TTC16: variants seen among roughly 807,000 people sequenced by gnomAD.
TTC16 encodes the protein tetratricopeptide repeat protein 16.
Under a neutral mutation model 80.4 loss-of-function variants are expected in TTC16, and 66 were observed. The observed-to-expected ratio is 0.82, with a 90% CI of 0.67 to 1.01. The LOEUF is 1.01. TTC16 is among the 50% of genes least tolerant of loss of function. The pLI, the probability that TTC16 is intolerant of heterozygous loss-of-function variation, is 0.00. For synonymous variants in TTC16, 438 were observed against 451.3 expected, an observed-to-expected ratio of 0.97 and a Z score of 0.37; for missense variants, 1,070 against 1,103.2, an observed-to-expected ratio of 0.97 and a Z score of 0.43.
At position 127,726,420 on chromosome 9, in the gene TTC16, G is replaced by A. The variant is rs186526888; in HGVS notation, c.1425+16G>A. 13 of 1,576,054 alleles carry A rather than the reference G, an allele frequency of 8.2e-6. No homozygotes were observed. Among genetic ancestry groups the A allele is most frequent in the Admixed American group, 5.3e-5 (3 of 56,714 alleles). On this transcript the variant is annotated intron_variant, in intron 10 of 13. Transcript: ENST00000373289. ...GCAACCAAAGGTAGGTTCCTGCCAC[G>A]TCAGGAGTGTAGGCTCCGGAGTCAT...
chr9:127,718,898 T>C lies in TTC16; in HGVS notation c.426+1126T>C, dbSNP rs551276885. 6.6e-6 allele frequency among the ~76,000 whole-genome samples: 1 copy of C among 151,310 alleles called. No homozygotes were observed. Among genetic ancestry groups the C allele is most frequent in the African/African-American group, 2.4e-5 (1 of 41,380 alleles). The stretch of plus-strand genomic sequence containing the variant: ...TGAGCTACTGCGCCTGGGCTTGATG[T>C]CTTTTCTTTATGTCAAAAAATATTC... On this transcript the variant is annotated intron_variant, in intron 4 of 13. Coordinates refer to ENST00000373289, the MANE Select transcript of TTC16 (RefSeq NM_144965.3). This position sits in a 1 kb window ranked among gnomAD's most constrained non-coding sequence, Gnocchi z 4.6.
chr9:127,729,475 A>G, intron 12 of TTC16, 106 bp from the exon 13 acceptor site: 4 of 903,942 alleles, frequency 4.4e-6, no homozygotes, highest in Non-Finnish European at 1.8e-6. Context: ...AAGACCTCCA[A>G]GCTCAGGAGA....
chr9:127,716,538 G>C (rs892499745), intron 1 of TTC16: 1 of 536,300 alleles, frequency 1.9e-6, no homozygotes, highest in Non-Finnish European at 3.4e-6. Context: ...ATCAAAGCTT[G>C]GGGTGTCAGT....
At position 127,724,852 on chromosome 9, in the gene TTC16, T is replaced by G. The variant is rs17852941; in HGVS notation, c.1214T>G (p.Met405Arg). Reference protein sequence around the residue: ...SPQDEGANTRMGLLQEKMGFC... With the variant: ...SPQDEGANTRRGLLQEKMGFC... ...CAGGACGAGGGCGCCAACACGCGCA[T>G]GGGCCTGCTGCAGGAGAAGATGGGC... The change falls in exon 9 of 14, where the codon ATG (methionine) becomes AGG (arginine). Residue 405 changes from methionine to arginine, a missense_variant. By Grantham distance (91) the Met-to-Arg change is moderately conservative (BLOSUM62 -1). Coordinates refer to ENST00000373289, the MANE Select transcript of TTC16 (RefSeq NM_144965.3). 3 of 1,587,308 alleles carry G rather than the reference T, an allele frequency of 1.9e-6. No individual in the cohort carries two copies. In the African/African-American group the frequency reaches 4.0e-5, roughly 21 times the overall value.
chr9:127,727,791 C>A, intron 12 of TTC16: 1 of 165,166 alleles, frequency 6.1e-6, no homozygotes, highest in Non-Finnish European at 1.1e-5. Context: ...CGGAGTCTTG[C>A]TCTGTCAACC....
Position 127,717,775 on chromosome 9 carries a change from G to A in TTC16, c.426+3G>A. 6.2e-7 allele frequency: 1 copy of A among 1,611,272 alleles called. No homozygotes were observed. The highest frequency in any genetic ancestry group is 8.5e-7 in the Non-Finnish European group (1 of 1,179,082). ...TCACCTTTGTGCTCTACCTACAGGT[G>A]CCTGGGGCCTCCCGGGCCCATGCAG... is the stretch of plus-strand genomic sequence containing the variant. On this transcript the variant is annotated splice_donor_region_variant and intron_variant, in intron 4 of 13. Coordinates refer to ENST00000373289, the MANE Select transcript of TTC16 (RefSeq NM_144965.3).
chr9:127,716,317 A>G (rs1487401553), intron 1 of TTC16, 154 bp downstream of exon 1: 1 of 1,167,286 alleles, frequency 8.6e-7, no homozygotes, highest in Non-Finnish European at 1.3e-6. Flanking sequence ...AGGCATGTGA[A>G]AGATCCTTGT....
chr9:127,716,699 G>A lies in TTC16; in HGVS notation c.19-145G>A, dbSNP rs948499676. ...GCGTCCCTAAGGGGAATGGGGCTGG[G>A]AGCGCCACCGGAACCCCGAGTGGGA... On this transcript the variant is annotated intron_variant, in intron 1 of 13. Coordinates refer to ENST00000373289, the MANE Select transcript of TTC16 (RefSeq NM_144965.3). 8.6e-6 allele frequency: 9 copies of A among 1,043,642 alleles called. No homozygotes were observed. In the Admixed American group the frequency reaches 2.5e-4, roughly 29 times the overall value. The allele number at this position is 1,043,642 out of a possible 1,614,324, so 64.6% of individuals were successfully genotyped here. A position where few individuals can be genotyped will look rare whatever the true frequency, so the allele number is the denominator to read the frequency against.
intron 10 of TTC16, 23 bp downstream of exon 10, chr9:127,726,427 G>T (rs368251304): frequency 6.4e-7 from 1 of 1,568,352 alleles, no homozygotes; most frequent in Non-Finnish European, 8.7e-7. Context: ...CACGTCAGGA[G>T]TGTAGGCTCC....
intron 12 of TTC16, chr9:127,727,885 A>C (rs1316587928): frequency 6.3e-6 from 1 of 157,702 alleles, no homozygotes; most frequent in African/African-American, 2.4e-5. Context: ...TTAGCCTCCC[A>C]GGTAGCTGGG....
Position 127,731,505 on chromosome 9 carries a change from A to C in TTC16, c.*100A>C. 1.3e-6 allele frequency: 2 copies of C among 1,502,958 alleles called. No homozygotes were observed. The highest frequency in any genetic ancestry group is 1.8e-6 in the Non-Finnish European group (2 of 1,129,688). The allele number at this position is 1,502,958 out of a possible 1,614,324, so 93.1% of individuals were successfully genotyped here. ...CAGCTGCCTCCTTCCAGAGCAATTA[A>C]AAGTCTTAGCAACAGTCCTCTGGTC... is the stretch of plus-strand genomic sequence containing the variant. On this transcript the variant is annotated 3_prime_UTR_variant, in exon 14 of 14. Coordinates refer to ENST00000373289, the MANE Select transcript of TTC16 (RefSeq NM_144965.3).
chr9:127,729,733 G>A, intron 13 of TTC16, 65 bp downstream of exon 13: 1 of 1,495,924 alleles, frequency 6.7e-7, no homozygotes, highest in South Asian at 1.1e-5. Flanking sequence ...AAAGCTCAGG[G>A]GTCGAAGACC....
At chr9:127,716,807 C>T (rs756640860) in intron 1 of TTC16, 37 bp from the exon 2 acceptor site, 3 of 1,582,406 alleles carry the variant, frequency 1.9e-6, no homozygotes, top group African/African-American at 2.7e-5. Flanking sequence ...GGGGTCGTCT[C>T]GGGGGCCTGC....
chr9:127,727,663 GTGTGGGGA>G (rs1365229507), intron 12 of TTC16, 198 bp downstream of exon 12: 31 of 1,144,852 alleles, frequency 2.7e-5, no homozygotes, highest in Non-Finnish European at 3.3e-5. Context: ...GACGGAGGGT[GTGTGGGGA>G]TGTGGGCCCT....
At chr9:127,726,488 GT>G in intron 10 of TTC16, 84 bp downstream of exon 10, 1 of 1,413,722 alleles carries the variant, frequency 7.1e-7, no homozygotes, top group Non-Finnish European at 9.4e-7. Context: ...AAGAAATCTG[GT>G]TTGATAACAA....
chr9:127,723,475 G>C, intron 7 of TTC16, 142 bp downstream of exon 7: 1 of 798,868 alleles, frequency 1.3e-6, no homozygotes. Flanking sequence ...CTTCCTACTG[G>C]GTTAAGGCAT....
At position 127,717,396 on chromosome 9, in the gene TTC16, C is replaced by A; in HGVS notation, c.254C>A (p.Ser85Tyr). The A allele has an allele frequency of 6.2e-7, 1 of 1,613,384 alleles. No homozygotes were observed. The highest frequency in any genetic ancestry group is 8.5e-7 in the Non-Finnish European group (1 of 1,180,006). The part of the protein sequence containing the change: ...ADWETAVLLF[S>Y]RALHLDPQLV... ...TGGGAGACAGCTGTGCTGCTCTTCTCCCGCGCACTCCACCTGGACCCACAG... is the reference window on the plus strand; with the variant it reads ...TGGGAGACAGCTGTGCTGCTCTTCTACCGCGCACTCCACCTGGACCCACAG... Residue 85 changes from serine to tyrosine, a missense_variant, in exon 3 of 14, where the codon TCC becomes TAC. Physicochemically the swap from Ser to Tyr is moderately radical, Grantham distance 144. Coordinates refer to ENST00000373289, the MANE Select transcript of TTC16 (RefSeq NM_144965.3).
At chr9:127,726,890 G>A (rs148412578) in intron 10 of TTC16, 80 bp from the exon 11 acceptor site, 34,239 of 1,571,546 alleles carry the variant, frequency 0.022, 434 homozygotes, top group Non-Finnish European at 0.026. Flanking sequence ...AAATCTGGCT[G>A]TGCAGGGTCA....
At chr9:127,725,031 C>T in intron 9 of TTC16, 134 bp downstream of exon 9, 1 of 1,107,166 alleles carries the variant, frequency 9.0e-7, no homozygotes, top group Non-Finnish European at 1.2e-6. Flanking sequence ...CTGTAATCCC[C>T]ACGCAGGTGG....
Sources: gnomAD v4.1 joint callset for allele counts (sites outside exome capture counted in the v4.1 genomes callset) on GRCh38, gnomAD v4.1.1 for gene constraint, Gnocchi (gnomAD v3.1) non-coding constraint, MANE v1.5 for transcripts, NCBI Gene and HGNC (gene_info 2026-07-23, HGNC 2026-07-21) for gene names.